PTPN1: variants seen among roughly 807,000 people sequenced by gnomAD.
PTPN1 encodes tyrosine-protein phosphatase non-receptor type 1.
PTPN1 carries 12 observed loss-of-function variants against 59.9 expected under a neutral mutation model. That is an observed-to-expected ratio of 0.20 (90% CI 0.13 to 0.32). The LOEUF (loss-of-function observed/expected upper bound fraction) is 0.32. Among genes scored for constraint, PTPN1 ranks in the 10% least tolerant of loss-of-function variants. PTPN1 has a pLI of 1.00. For synonymous variants in PTPN1, 178 were observed against 203.6 expected (o/e 0.87, Z 1.07); for missense variants, 356 against 549.2 (o/e 0.65, Z 3.52).
chr20:50,560,831 G>A lies in PTPN1; in HGVS notation c.64-532G>A, dbSNP rs1368821837. On this transcript the variant is annotated intron_variant, in intron 1 of 9. Coordinates refer to ENST00000371621, the MANE Select transcript of PTPN1 (RefSeq NM_002827.4). ...ATTTTAGGTGTGATCAGGAGCCATG[G>A]TGTAGTCTTCTGTTGAAACAGGGTG... Among the ~76,000 whole-genome samples, 5 of 152,112 alleles carry A rather than the reference G, an allele frequency of 3.3e-5. No individual in the cohort carries two copies. In the South Asian group the frequency reaches 6.2e-4, roughly 19 times the overall value.
rs2082874351 is a variant in PTPN1, at chr20:50,582,601, G to C, written c.1285-91G>C. On this transcript the variant is annotated intron_variant, in intron 9 of 9. Transcript: ENST00000371621. This position sits in a 1 kb window ranked among gnomAD's most constrained non-coding sequence, Gnocchi z 4.2. Reference sequence around the variant, plus strand: ...CCCCTTTGCTCCCTCGGAGGTTGAAGTTGCCGGGGGGTGTGGCCGGGGTCA... The same window carrying C: ...CCCCTTTGCTCCCTCGGAGGTTGAACTTGCCGGGGGGTGTGGCCGGGGTCA... 1 of 1,402,032 alleles carries C rather than the reference G, an allele frequency of 7.1e-7. No homozygotes were observed. The highest frequency in any genetic ancestry group is 1.9e-5 in the Admixed American group (1 of 51,878). 86.8% of individuals were successfully genotyped at this position (1,402,032 alleles called of 1,614,324 possible).
chr20:50,531,438 A>G, intron 1 of PTPN1, among the ~76,000 whole-genome samples: 1 of 152,066 alleles, frequency 6.6e-6, no homozygotes, highest in Non-Finnish European at 1.5e-5. Context: ...GTGCAGTGGC[A>G]CAATCTCAGC....
In PTPN1 at chr20:50,579,175, A is replaced by G. The variant is rs2082852423; in HGVS notation, c.710A>G (p.Lys237Arg). ...LADTCLLLMD[K>R]RKDPSSVDIK... ...CTCCTCTCTGGCTTTCAGATGGACA[A>G]GAGGAAAGACCCTTCTTCCGTTGAT... The change falls in exon 7 of 10, where the codon AAG becomes AGG. Residue 237 changes from lysine to arginine, a missense_variant. Transcript: ENST00000371621. 6.2e-7 allele frequency: 1 copy of G among 1,614,200 alleles called. No individual in the cohort carries two copies. Among genetic ancestry groups the G allele is most frequent in the East Asian group, 2.2e-5 (1 of 44,886 alleles).
Position 50,579,919 on chromosome 20 carries a change from A to T in PTPN1, c.1081A>T (p.Ile361Phe), listed in dbSNP as rs1370899418. 19 of 1,613,416 alleles carry T rather than the reference A, an allele frequency of 1.2e-5. No homozygotes were observed. The highest frequency in any genetic ancestry group is 1.4e-5 in the Non-Finnish European group (17 of 1,179,760). Residue 361 changes from isoleucine (I) to phenylalanine (F), a missense_variant, in exon 8 of 10, where the codon ATC becomes TTC. Physicochemically the swap from Ile to Phe is conservative, Grantham distance 21. Around this residue, in one of 3 missense-constraint regions of PTPN1, gnomAD observed 100 missense variants for 107.7 expected, o/e 0.93. Transcript: ENST00000371621. ...GSPLNAAPYGIESMSQDTEVR... is the reference protein window; with the variant it reads ...GSPLNAAPYGFESMSQDTEVR... ...CCCCTTAAATGCCGCACCCTACGGC[A>T]TCGAAAGGTAATATGATTGGGTCCC...
intron 1 of PTPN1, among the ~76,000 whole-genome samples, chr20:50,557,104 C>T (rs1402352854): frequency 6.6e-6 from 1 of 152,224 alleles, no homozygotes; most frequent in African/African-American, 2.4e-5. Context: ...CTGTCCCCAC[C>T]TCAGACCATT....
chr20:50,553,212 G>T (rs962253661), intron 1 of PTPN1, among the ~76,000 whole-genome samples: 1 of 152,128 alleles, frequency 6.6e-6, no homozygotes, highest in Non-Finnish European at 1.5e-5. Flanking sequence ...TTTTTGTCTG[G>T]TGACTAATAC....
intron 3 of PTPN1, among the ~76,000 whole-genome samples, chr20:50,565,548 A>G (rs968780772): frequency 3.3e-5 from 5 of 152,260 alleles, no homozygotes; most frequent in Admixed American, 6.5e-5. Flanking sequence ...AACAAGCATG[A>G]AAAATGACTT....
intron 1 of PTPN1, among the ~76,000 whole-genome samples, chr20:50,519,850 G>A (rs188066450): frequency 1.4e-3 from 215 of 152,202 alleles, no homozygotes; most frequent in African/African-American, 4.7e-3. Context: ...ATTTTTGTAG[G>A]TTGATCATAA....
At chr20:50,513,177 G>A (rs1035288720) in intron 1 of PTPN1, among the ~76,000 whole-genome samples, 1 of 152,138 alleles carries the variant, frequency 6.6e-6, no homozygotes, top group Admixed American at 6.5e-5. Context: ...GAGCATAACC[G>A]TATTTTTAAT....
intron 1 of PTPN1, among the ~76,000 whole-genome samples, chr20:50,521,314 A>G (rs2082549916): frequency 6.6e-6 from 1 of 152,274 alleles, no homozygotes; most frequent in Non-Finnish European, 1.5e-5. Context: ...TGTTCAGGAT[A>G]AAACCCACTA....
intron 9 of PTPN1, 67 bp downstream of exon 9, chr20:50,581,527 AT>A: frequency 6.7e-7 from 1 of 1,501,064 alleles, no homozygotes; most frequent in South Asian, 1.3e-5. Flanking sequence ...CGCTAGCCCG[AT>A]GGTAGGATTC....
chr20:50,579,396 T>G, intron 7 of PTPN1, 67 bp downstream of exon 7: 1 of 1,542,082 alleles, frequency 6.5e-7, no homozygotes, highest in South Asian at 1.2e-5. Context: ...AAGGAGGCTG[T>G]CAGTTGTAAA....
At chr20:50,518,172 C>A (rs6091174) in intron 1 of PTPN1, among the ~76,000 whole-genome samples, 6,647 of 152,268 alleles carry the variant, frequency 0.044, 286 homozygotes, top group African/African-American at 0.11. Flanking sequence ...CACTACGTTA[C>A]ATTACAGCAA....
At chr20:50,576,735 G>A (rs1349813269) in intron 5 of PTPN1, among the ~76,000 whole-genome samples, 1 of 151,840 alleles carries the variant, frequency 6.6e-6, no homozygotes, top group Non-Finnish European at 1.5e-5. Flanking sequence ...AATTAGCCGG[G>A]CGTGGTGGCG....
chr20:50,552,182 T>G (rs564631825), intron 1 of PTPN1, among the ~76,000 whole-genome samples: 1 of 152,326 alleles, frequency 6.6e-6, no homozygotes, highest in South Asian at 2.1e-4. Context: ...ACCATTAATG[T>G]TATAGTTACC....
rs2082857211 is a variant in PTPN1, at chr20:50,579,908, C to T, written c.1070C>T (p.Ala357Val). ...GAAAAAGGAAGCCCCTTAAATGCCG[C>T]ACCCTACGGCATCGAAAGGTAATAT... ...KEEKGSPLNA[A>V]PYGIESMSQD... Residue 357 changes from alanine (A) to valine (V), a missense_variant, in exon 8 of 10, where the codon GCA (alanine) becomes GTA (valine). Ala to Val is a moderately conservative substitution (Grantham distance 64). Transcript: ENST00000371621. 2 of 1,613,576 alleles carry T rather than the reference C, an allele frequency of 1.2e-6. No individual in the cohort carries two copies. The highest frequency in any genetic ancestry group is 1.7e-6 in the Non-Finnish European group (2 of 1,179,690).
At chr20:50,565,984 C>T (rs2082777228) in intron 3 of PTPN1, among the ~76,000 whole-genome samples, 1 of 152,146 alleles carries the variant, frequency 6.6e-6, no homozygotes, top group Non-Finnish European at 1.5e-5. Context: ...TTGTCTTGTC[C>T]CAGTTCCTCC....
intron 1 of PTPN1, among the ~76,000 whole-genome samples, chr20:50,552,325 A>G (rs1292516520): frequency 6.6e-6 from 1 of 152,258 alleles, no homozygotes; most frequent in Non-Finnish European, 1.5e-5. Context: ...AAGTAGAGAA[A>G]GATGAGGGAT....
At chr20:50,523,943 G>A (rs1336640244) in intron 1 of PTPN1, among the ~76,000 whole-genome samples, 1 of 152,178 alleles carries the variant, frequency 6.6e-6, no homozygotes, top group Non-Finnish European at 1.5e-5. Flanking sequence ...CATATTAAGT[G>A]TCACCTAGGC....
Sources: allele counts gnomAD v4.1 joint callset (sites outside exome capture counted in the v4.1 genomes callset), GRCh38; gene constraint gnomAD v4.1.1; regional missense constraint gnomAD v4.1.1; non-coding constraint Gnocchi (gnomAD v3.1); transcripts MANE v1.5; gene names NCBI Gene and HGNC (gene_info 2026-07-23, HGNC 2026-07-21).